The following LRMDA variants were observed in gnomAD, a reference collection of about 807,000 sequenced individuals.
LRMDA encodes leucine-rich melanocyte differentiation-associated protein.
Under a neutral mutation model 29.8 loss-of-function variants are expected in LRMDA, and 18 were observed. The ratio of observed to expected loss-of-function variants is 0.60; its 90% CI spans 0.42 to 0.90. The LOEUF (loss-of-function observed/expected upper bound fraction) is 0.90. Among genes scored for constraint, LRMDA ranks in the 40% least tolerant of loss-of-function variants. LRMDA has a pLI of 0.00. For missense variants in LRMDA, 273 were observed against 273.9 expected (o/e 1.00, Z 0.02); for synonymous variants, 125 against 109.4 (o/e 1.14, Z -0.89).
At chr10:76,394,836 G>A (rs1841764098) in intron 6 of LRMDA, among the ~76,000 whole-genome samples, 2 of 152,112 alleles carry the variant, frequency 1.3e-5, no homozygotes, top group Admixed American at 6.5e-5. Context: ...TTTAATCACT[G>A]GAAGGGCACC....
At chr10:76,037,416 A>G (rs531828257) in intron 3 of LRMDA, among the ~76,000 whole-genome samples, 51 of 152,390 alleles carry the variant, frequency 3.3e-4, no homozygotes, top group African/African-American at 1.2e-3. Context: ...CTTGGCACAT[A>G]TGCATATGCC....
chr10:75,618,511 T>TTATA (rs59150541), intron 2 of LRMDA, among the ~76,000 whole-genome samples: 31 of 141,408 alleles, frequency 2.2e-4, no homozygotes, highest in Admixed American at 5.8e-4. Context: ...ACCATATATA[T>TTATA]TATATATATA....
At chr10:76,261,943 T>C (rs918032475) in intron 5 of LRMDA, among the ~76,000 whole-genome samples, 1 of 152,098 alleles carries the variant, frequency 6.6e-6, no homozygotes, top group African/African-American at 2.4e-5. Context: ...GGAAGAAAAT[T>C]GTTGGCAATA....
At chr10:75,761,792 TTG>T (rs1328345390) in intron 2 of LRMDA, among the ~76,000 whole-genome samples, 5 of 140,558 alleles carry the variant, frequency 3.6e-5, no homozygotes, top group African/African-American at 1.6e-4. Context: ...TGGTATACTT[TTG>T]TTTTTTTTTT....
chr10:75,869,704 A>G (rs183838758), intron 2 of LRMDA, among the ~76,000 whole-genome samples: 193 of 152,266 alleles, frequency 1.3e-3, no homozygotes, highest in African/African-American at 4.4e-3. Flanking sequence ...TGAACTCTTC[A>G]GGTTGGCTTT....
intron 2 of LRMDA, among the ~76,000 whole-genome samples, chr10:75,671,838 A>G (rs1841894971): frequency 6.6e-6 from 1 of 152,238 alleles, no homozygotes; most frequent in South Asian, 2.1e-4. Context: ...GACGATTCCT[A>G]TCCCACTCTT....
At chr10:76,130,422 T>A (rs1272810605) in intron 5 of LRMDA, among the ~76,000 whole-genome samples, 1 of 152,214 alleles carries the variant, frequency 6.6e-6, no homozygotes, top group Non-Finnish European at 1.5e-5. Context: ...TAGGGATTGA[T>A]AACAGGTTCT....
At chr10:75,992,773 TA>T (rs1233691077) in intron 2 of LRMDA, among the ~76,000 whole-genome samples, 1 of 152,142 alleles carries the variant, frequency 6.6e-6, no homozygotes, top group East Asian at 1.9e-4. Context: ...TGAGCCTGTT[TA>T]CTGTGTGGTG....
chr10:75,525,242 G>A (rs1486341390), intron 2 of LRMDA, among the ~76,000 whole-genome samples: 2 of 152,186 alleles, frequency 1.3e-5, no homozygotes, highest in Non-Finnish European at 2.9e-5. Flanking sequence ...TTGCTTACCA[G>A]TTGGCAGGTG....
chr10:75,998,914 G>T (rs1394824722), intron 2 of LRMDA, among the ~76,000 whole-genome samples: 1 of 152,222 alleles, frequency 6.6e-6, no homozygotes, highest in Non-Finnish European at 1.5e-5. Context: ...GAACATCACA[G>T]AACCAGGGAA....
chr10:75,825,663 T>C (rs746180355), intron 2 of LRMDA, among the ~76,000 whole-genome samples: 8 of 152,206 alleles, frequency 5.3e-5, no homozygotes, highest in Non-Finnish European at 1.2e-4. Context: ...ACATGATATA[T>C]GAAACCATAA....
At chr10:75,719,368 A>T (rs1042007877) in intron 2 of LRMDA, among the ~76,000 whole-genome samples, 4 of 152,232 alleles carry the variant, frequency 2.6e-5, no homozygotes, top group African/African-American at 9.6e-5. Context: ...GTTTTGTGTG[A>T]CAAGGTAACC....
chr10:75,597,595 T>C (rs1318328597), intron 2 of LRMDA, among the ~76,000 whole-genome samples: 2 of 152,206 alleles, frequency 1.3e-5, no homozygotes, highest in East Asian at 3.9e-4. Flanking sequence ...GGTGTGACTT[T>C]CATATCAGTC....
At chr10:75,472,383 A>G (rs1844737754) in intron 2 of LRMDA, among the ~76,000 whole-genome samples, 1 of 152,192 alleles carries the variant, frequency 6.6e-6, no homozygotes, top group Admixed American at 6.6e-5. Context: ...GTAACGACCC[A>G]TTTGAGGTGG....
intron 6 of LRMDA, among the ~76,000 whole-genome samples, chr10:76,325,809 T>TGA (rs1362264904): frequency 6.6e-6 from 1 of 152,206 alleles, no homozygotes; most frequent in Non-Finnish European, 1.5e-5. Context: ...ATCAGATAGA[T>TGA]GATAATCATT....
chr10:76,337,112 A>G (rs755191774), intron 6 of LRMDA, among the ~76,000 whole-genome samples: 4 of 152,308 alleles, frequency 2.6e-5, no homozygotes, highest in Admixed American at 2.0e-4. Context: ...CAGACTTAAC[A>G]TATTCCATAG....
chr10:75,598,153 G>C (rs1412687162), intron 2 of LRMDA, among the ~76,000 whole-genome samples: 2 of 152,340 alleles, frequency 1.3e-5, no homozygotes, highest in African/African-American at 4.8e-5. Context: ...TCATGCAGAA[G>C]AGAATACAGT....
Position 75,515,721 on chromosome 10 carries a change from A to T in LRMDA, c.131+77227A>T, listed in dbSNP as rs142604399. Among the ~76,000 whole-genome samples the T allele has an allele frequency of 6.1e-3, 928 of 151,848 alleles. 16 individuals are homozygous for T. The highest frequency in any genetic ancestry group is 0.021 in the African/African-American group (881 of 41,360). ...TCTTTTTTCTTTTTTTTTAAATTAT[A>T]CTTTAAGTTCTAGGGTACACGTGCA... On this transcript the variant is annotated intron_variant, in intron 2 of 6. Transcript: ENST00000611255.
chr10:76,475,967 C>A (rs1176068973), intron 6 of LRMDA, among the ~76,000 whole-genome samples: 7 of 152,098 alleles, frequency 4.6e-5, no homozygotes, highest in Non-Finnish European at 7.4e-5. Context: ...AAAAGTGACA[C>A]CCTAACATCA....
Sources: allele counts gnomAD v4.1 joint callset (sites outside exome capture counted in the v4.1 genomes callset), GRCh38; gene constraint gnomAD v4.1.1; transcripts MANE v1.5; gene names NCBI Gene and HGNC (gene_info 2026-07-23, HGNC 2026-07-21).